HTR4: variants seen among roughly 807,000 people sequenced by gnomAD.
The protein encoded by HTR4 is 5-hydroxytryptamine receptor 4, also known as 5-hydroxytryptamine (serotonin) receptor 4, G protein-coupled.
Under a neutral mutation model 36.8 loss-of-function variants are expected in HTR4, and 16 were observed. The observed-to-expected ratio is 0.43, with a 90% CI of 0.29 to 0.66. The LOEUF is 0.66. HTR4 is among the 30% of genes least tolerant of loss of function. The pLI is 0.13. For synonymous variants in HTR4, 189 were observed against 185.1 expected, an observed-to-expected ratio of 1.02 and a Z score of -0.17; for missense variants, 438 against 490.9, an observed-to-expected ratio of 0.89 and a Z score of 1.02.
At chr5:148,524,302 C>T (rs1016933875) in intron 4 of HTR4, among the ~76,000 whole-genome samples, 2 of 152,180 alleles carry the variant, frequency 1.3e-5, no homozygotes, top group Non-Finnish European at 2.9e-5. Context: ...ACATGCATCA[C>T]TTCTGGGACA....
intron 2 of HTR4, among the ~76,000 whole-genome samples, chr5:148,552,795 A>G (rs1205279148): frequency 6.6e-6 from 1 of 152,206 alleles, no homozygotes; most frequent in African/African-American, 2.4e-5. Flanking sequence ...TCTAGTCTAG[A>G]GTATGTATTA....
chr5:148,488,250 G>A (rs1756256554), intron 6 of HTR4, among the ~76,000 whole-genome samples: 1 of 152,146 alleles, frequency 6.6e-6, no homozygotes, highest in Non-Finnish European at 1.5e-5. Flanking sequence ...CTCAGAGAAT[G>A]GGCACAGCAT....
chr5:148,561,899 C>T (rs1354611360), intron 2 of HTR4, among the ~76,000 whole-genome samples: 1 of 152,216 alleles, frequency 6.6e-6, no homozygotes, highest in African/African-American at 2.4e-5. Context: ...TCCTTTGCAA[C>T]AGATGGCCTC....
At chr5:148,476,575 A>C (rs1383836675), downstream of HTR4, 8 of 1,439,212 alleles carry the variant, frequency 5.6e-6, no homozygotes, top group Non-Finnish European at 7.3e-6. Flanking sequence ...TGAAGGGGCA[A>C]AGTGGGCTGG....
rs200387974 is a variant in HTR4, at chr5:148,550,194, A to G, written c.95T>C (p.Met32Thr). The G allele has an allele frequency of 2.8e-5, 45 of 1,614,048 alleles. No individual in the cohort carries two copies. The highest frequency in any genetic ancestry group is 8.3e-5 in the Admixed American group (5 of 60,012). Residue 32 changes from methionine (M) to threonine (T), a missense_variant, in exon 3 of 7, where the codon ATG becomes ACG. Coordinates refer to ENST00000377888, the MANE Select transcript of HTR4 (RefSeq NM_000870.7). Reference sequence around the variant, plus strand: ...CACCAGCAGGTTCCCCAAGATGGCCATCAGGATAACCGTCGAGAGAAACGT... The same window carrying G: ...CACCAGCAGGTTCCCCAAGATGGCCGTCAGGATAACCGTCGAGAGAAACGT... ...LLTFLSTVILMAILGNLLVMV... is the reference protein window; with the variant it reads ...LLTFLSTVILTAILGNLLVMV...
chr5:148,484,253 T>C (rs200002797), intron 6 of HTR4: 1 of 1,611,852 alleles, frequency 6.2e-7, no homozygotes, highest in South Asian at 1.1e-5. Flanking sequence ...CAGAGAATCA[T>C]AGTTACCCCA....
Position 148,649,743 on chromosome 5 carries a change from T to A in HTR4, c.-48+4319A>T, listed in dbSNP as rs551005554. Among the ~76,000 whole-genome samples the A allele has an allele frequency of 2.6e-5, 4 of 152,302 alleles. No individual in the cohort carries two copies. In the East Asian group the frequency reaches 7.7e-4, roughly 29 times the overall value. On this transcript the variant is annotated intron_variant, in intron 1 of 6. Coordinates refer to ENST00000377888, the MANE Select transcript of HTR4 (RefSeq NM_000870.7). ...CTTAGATGCTTAGTAAGAATGTCAA[T>A]TCATCCCTAGTAATTATTGACCTTT...
chr5:148,474,295 C>T (rs553800557), downstream of HTR4, among the ~76,000 whole-genome samples: 13 of 151,514 alleles, frequency 8.6e-5, no homozygotes, highest in Non-Finnish European at 1.9e-4. Flanking sequence ...TGATAAAAAG[C>T]GATCGCTATA....
At chr5:148,474,360 C>A (rs1351179473), downstream of HTR4, among the ~76,000 whole-genome samples, 1 of 151,996 alleles carries the variant, frequency 6.6e-6, no homozygotes, top group African/African-American at 2.4e-5. Flanking sequence ...TTTATCCTGG[C>A]CAAGAATTTC....
chr5:148,459,236 G>T lies in HTR4; in HGVS notation c.1077-7964C>A, dbSNP rs548867930. On this transcript the variant is annotated intron_variant, in intron 5 of 5. Transcript: ENST00000521530. The stretch of plus-strand genomic sequence containing the variant: ...AAGTATATGAGAGATAAGAACTCGA[G>T]GGGGGAGGGCAATAATAGGGGACCT... Among the ~76,000 whole-genome samples, 9 of 152,092 alleles carry T rather than the reference G, an allele frequency of 5.9e-5. No individual in the cohort carries two copies. The South Asian group carries it at 1.0e-3, about 18-fold the overall frequency.
At chr5:148,528,084 T>C (rs1581428531) in intron 4 of HTR4, among the ~76,000 whole-genome samples, 1 of 152,048 alleles carries the variant, frequency 6.6e-6, no homozygotes, top group Non-Finnish European at 1.5e-5. Context: ...TAGGCAAGGG[T>C]GGGAAGAATC....
intron 2 of HTR4, among the ~76,000 whole-genome samples, chr5:148,586,242 T>C (rs939767125): frequency 3.3e-5 from 5 of 151,978 alleles, no homozygotes; most frequent in East Asian, 1.9e-4. Context: ...CAAAAGAACA[T>C]TGGGTGATGC....
intron 5 of HTR4, among the ~76,000 whole-genome samples, chr5:148,467,335 C>A (rs1044510378): frequency 6.6e-6 from 1 of 152,112 alleles, no homozygotes; most frequent in Non-Finnish European, 1.5e-5. Flanking sequence ...CTTTTACATG[C>A]CTATTTAATA....
At chr5:148,556,551 C>G (rs566505458) in intron 2 of HTR4, among the ~76,000 whole-genome samples, 131 of 152,288 alleles carry the variant, frequency 8.6e-4, no homozygotes, top group African/African-American at 3.0e-3. Context: ...TTCCTGACCT[C>G]ATGGGGTTCA....
intron 6 of HTR4, among the ~76,000 whole-genome samples, chr5:148,483,545 C>T (rs774481403): frequency 6.6e-6 from 1 of 152,212 alleles, no homozygotes; most frequent in Non-Finnish European, 1.5e-5. Context: ...ACCTATTACG[C>T]CTATCAGGCC....
intron 4 of HTR4, among the ~76,000 whole-genome samples, chr5:148,538,915 C>T (rs541839497): frequency 2.0e-5 from 3 of 152,198 alleles, no homozygotes; most frequent in East Asian, 1.9e-4. Flanking sequence ...GCCCAAATAA[C>T]GAAGTCAATC....
At chr5:148,488,829 G>A (rs953600317) in intron 6 of HTR4, among the ~76,000 whole-genome samples, 1 of 152,116 alleles carries the variant, frequency 6.6e-6, no homozygotes, top group South Asian at 2.1e-4. Flanking sequence ...ATTCCCAAGG[G>A]CCCTTTAATC....
At chr5:148,598,228 G>A (rs1481007738) in intron 2 of HTR4, among the ~76,000 whole-genome samples, 1 of 152,064 alleles carries the variant, frequency 6.6e-6, no homozygotes, top group Non-Finnish European at 1.5e-5. Context: ...AAAGAAATGA[G>A]ACAGAAAAGT....
chr5:148,475,329 T>C (rs1473060584), downstream of HTR4, among the ~76,000 whole-genome samples: 2 of 152,182 alleles, frequency 1.3e-5, no homozygotes, highest in Non-Finnish European at 2.9e-5. Flanking sequence ...AAAATTTTTT[T>C]ACGAGAATTA....
Sources: gnomAD v4.1 joint callset for allele counts (sites outside exome capture counted in the v4.1 genomes callset) on GRCh38, gnomAD v4.1.1 for gene constraint, MANE v1.5 for transcripts, NCBI Gene and HGNC (gene_info 2026-07-23, HGNC 2026-07-21) for gene names.